PUF60: variants seen among roughly 807,000 people sequenced by gnomAD.
PUF60 encodes poly(U)-binding-splicing factor PUF60.
PUF60 carries 10 observed loss-of-function variants against 61.8 expected under a neutral mutation model. The ratio of observed to expected loss-of-function variants is 0.16; its 90% confidence interval spans 0.10 to 0.27. The LOEUF is 0.27. PUF60 is among the 10% of genes least tolerant of loss of function. The probability of loss-of-function intolerance (pLI) is 1.00; values close to 1 mark genes in which losing one functional copy is unlikely to be tolerated. For synonymous variants in PUF60, 353 were observed against 300.9 expected, an observed-to-expected ratio of 1.17 and a Z score of -1.79; for missense variants, 371 against 754.0, an observed-to-expected ratio of 0.49 and a Z score of 5.95.
chr8:143,816,554 T>C lies in PUF60; in HGVS notation c.1646A>G (p.Gln549Arg), dbSNP rs778203357. Residue 549 changes from glutamine to arginine, a missense_variant, in exon 12 of 12, where the codon CAG becomes CGG. By Grantham distance (43) the Gln-to-Arg change is conservative (BLOSUM62 1). Around this residue, in one of 13 missense-constraint regions of PUF60, gnomAD observed 17 missense variants for 37.3 expected, o/e 0.46. Transcript: ENST00000526683. Reference protein sequence around the residue: ...GRKVVAEVYDQERFDNSDLSA With the variant: ...GRKVVAEVYDRERFDNSDLSA ...GAGGTCACTGTTATCAAAACGCTCC[T>C]GGTCGTACACTTCAGCCACCACCTT... 2 of 1,613,218 alleles carry C rather than the reference T, an allele frequency of 1.2e-6. No homozygotes were observed. The highest frequency in any genetic ancestry group is 2.2e-5 in the East Asian group (1 of 44,868).
At chr8:143,827,254 G>C in intron 1 of PUF60, 1 of 401,510 alleles carries the variant, frequency 2.5e-6, no homozygotes, top group South Asian at 1.8e-5. Flanking sequence ...AGGTGACATT[G>C]CAGGCTGGGG....
At chr8:143,820,396 G>A (rs1421834409) in intron 5 of PUF60, 10 of 544,214 alleles carry the variant, frequency 1.8e-5, no homozygotes, top group Non-Finnish European at 3.0e-5. Context: ...GGTGCTGGCA[G>A]CTACCCGCCC....
Position 143,821,587 on chromosome 8 carries a change from C to G in PUF60, c.297+10G>C. On this transcript the variant is annotated intron_variant, in intron 4 of 11. Transcript: ENST00000526683. ...TGGGGAGGGCGGTAGAGGCTCCGGC[C>G]GGGGCTCACCTGCAGGTTGGTGAGC... 6.5e-7 allele frequency: 1 copy of G among 1,539,678 alleles called. No homozygotes were observed. Among genetic ancestry groups the G allele is most frequent in the Non-Finnish European group, 8.7e-7 (1 of 1,146,246 alleles).
chr8:143,820,796 G>A (rs992665418), intron 4 of PUF60, 80 bp from the exon 5 acceptor site: 20 of 1,369,402 alleles, frequency 1.5e-5, no homozygotes, highest in Admixed American at 3.4e-5. Flanking sequence ...CGCAGACAGC[G>A]GCAAGGCCCG....
chr8:143,820,514 G>A, intron 5 of PUF60, 152 bp downstream of exon 5: 2 of 882,720 alleles, frequency 2.3e-6, no homozygotes, highest in East Asian at 2.4e-5. Context: ...CACACCACTG[G>A]CCCCACCACG....
intron 1 of PUF60, among the ~76,000 whole-genome samples, chr8:143,826,741 T>A (rs1485257900): frequency 1.3e-5 from 2 of 151,390 alleles, no homozygotes; most frequent in East Asian, 1.9e-4. Context: ...AAAAAAAAAA[T>A]AATGTGGAGC....
intron 1 of PUF60, chr8:143,827,109 G>A (rs1251872402): frequency 3.1e-6 from 1 of 322,596 alleles, no homozygotes; most frequent in African/African-American, 2.2e-5. Flanking sequence ...TCAGGAGCCT[G>A]GTGTCAGCTG....
chr8:143,818,615 A>G lies in PUF60; in HGVS notation c.349-81T>C. 3.5e-6 allele frequency: 5 copies of G among 1,419,710 alleles called. No homozygotes were observed. The East Asian group carries it at 7.6e-5, about 22-fold the overall frequency. The allele number at this position is 1,419,710 out of a possible 1,614,324, so 87.9% of individuals were successfully genotyped here. A position where few individuals can be genotyped will look rare whatever the true frequency, so the allele number is the denominator to read the frequency against. ...GGGCAGCCCACTCCCCTCCTGGCCC[A>G]CCCACCCAGCCCTGCTGTGGGGAGG... On this transcript the variant is annotated intron_variant, in intron 5 of 11. Coordinates refer to ENST00000526683, the MANE Select transcript of PUF60 (RefSeq NM_078480.3). This position sits in a 1 kb window ranked among gnomAD's most constrained non-coding sequence, Gnocchi z 7.9.
rs1444226759 is a variant in PUF60, at chr8:143,818,996, G to A, written c.349-462C>T. The A allele has an allele frequency of 1.2e-5, 2 of 168,872 alleles. No homozygotes were observed. The highest frequency in any genetic ancestry group is 4.8e-5 in the African/African-American group (2 of 41,924). 10.5% of individuals were successfully genotyped at this position (168,872 alleles called of 1,614,324 possible). On this transcript the variant is annotated intron_variant, in intron 5 of 11. Transcript: ENST00000526683. This position sits in a 1 kb window ranked among gnomAD's most constrained non-coding sequence, Gnocchi z 7.9. ...CAGAAGAGAGGAGGTCAGAAGACAG[G>A]GCAGCCACTGCCCAGAAGAGACCCC... is the stretch of plus-strand genomic sequence containing the variant.
chr8:143,827,701 T>G (rs1817790130), intron 1 of PUF60, among the ~76,000 whole-genome samples: 1 of 152,186 alleles, frequency 6.6e-6, no homozygotes, highest in South Asian at 2.1e-4. Context: ...GCCTGAAACC[T>G]GACGATAAAA....
At position 143,818,637 on chromosome 8, in the gene PUF60, G is replaced by A; in HGVS notation, c.349-103C>T. 1 of 1,284,532 alleles carries A rather than the reference G, an allele frequency of 7.8e-7. No homozygotes were observed. Among genetic ancestry groups the A allele is most frequent in the Non-Finnish European group, 1.1e-6 (1 of 950,074 alleles). 79.6% of individuals were successfully genotyped at this position (1,284,532 alleles called of 1,614,324 possible). A position where few individuals can be genotyped will look rare whatever the true frequency, so the allele number is the denominator to read the frequency against. ...CCCACCCACCCAGCCCTGCTGTGGG[G>A]AGGGCTCCCCACATGACAGGGAGGT... On this transcript the variant is annotated intron_variant, in intron 5 of 11. Coordinates refer to ENST00000526683, the MANE Select transcript of PUF60 (RefSeq NM_078480.3). The surrounding 1 kb of genome is among the most constrained non-coding windows in gnomAD (Gnocchi z 7.9).
chr8:143,829,174 C>G (rs1818016048), intron 1 of PUF60, 106 bp downstream of exon 1: 1 of 1,225,044 alleles, frequency 8.2e-7, no homozygotes, highest in South Asian at 4.1e-5. Context: ...CGCGCGGGAC[C>G]TGGGAAGACC....
At chr8:143,819,882 G>A (rs544743650) in intron 5 of PUF60, among the ~76,000 whole-genome samples, 2 of 152,228 alleles carry the variant, frequency 1.3e-5, no homozygotes, top group East Asian at 1.9e-4. Context: ...CAGACCCCCA[G>A]CCCGGGCTCC....
intron 1 of PUF60, chr8:143,826,916 T>G (rs957072361): frequency 7.0e-5 from 5 of 71,808 alleles, no homozygotes; most frequent in African/African-American, 2.6e-4. Flanking sequence ...AAGCCACAGG[T>G]TCCAGCACTC....
At chr8:143,828,647 C>T (rs1817927454) in intron 1 of PUF60, among the ~76,000 whole-genome samples, 1 of 152,188 alleles carries the variant, frequency 6.6e-6, no homozygotes, top group Non-Finnish European at 1.5e-5. Context: ...CTGTCTGGTT[C>T]CCCACTGCGT....
At chr8:143,821,787 A>C in intron 3 of PUF60, 31 bp downstream of exon 3, 1 of 1,589,430 alleles carries the variant, frequency 6.3e-7, no homozygotes, top group Non-Finnish European at 8.6e-7. Flanking sequence ...ACTGTCCCAC[A>C]CCTGCAGTGC....
intron 2 of PUF60, among the ~76,000 whole-genome samples, chr8:143,822,292 A>C (rs994594859): frequency 2.0e-5 from 3 of 152,170 alleles, no homozygotes; most frequent in African/African-American, 4.8e-5. Context: ...CCTCCAAGGC[A>C]GGAGAAAAGG....
chr8:143,827,378 GACC>G (rs1817748753), intron 1 of PUF60: 1 of 456,142 alleles, frequency 2.2e-6, no homozygotes, highest in African/African-American at 2.0e-5. Flanking sequence ...GCATCCAGAA[GACC>G]TACCCTTGCT....
chr8:143,824,595 G>T (rs1334272125), intron 1 of PUF60, 196 bp from the exon 2 acceptor site: 2 of 599,054 alleles, frequency 3.3e-6, no homozygotes, highest in African/African-American at 1.9e-5. Flanking sequence ...CCAGTCAGAA[G>T]CAGAGCGGAG....
Sources: gnomAD v4.1 joint callset for allele counts (sites outside exome capture counted in the v4.1 genomes callset) on GRCh38, gnomAD v4.1.1 for gene constraint, gnomAD v4.1.1 regional missense constraint, Gnocchi (gnomAD v3.1) non-coding constraint, MANE v1.5 for transcripts, NCBI Gene and HGNC (gene_info 2026-07-23, HGNC 2026-07-21) for gene names.